Variants in MSH4 observed in about 807,000 individuals in gnomAD.
The protein encoded by MSH4 is mutS protein homolog 4.
In MSH4, 106 loss-of-function variants were observed where a neutral mutation model predicts 113.7. The observed-to-expected ratio is 0.93, with a 90% CI of 0.80 to 1.10. MSH4 has a LOEUF of 1.10. Among genes scored for constraint, MSH4 ranks in the 50% least tolerant of loss-of-function variants. MSH4 has a pLI of 0.00. For synonymous variants in MSH4, 368 were observed against 380.2 expected, an observed-to-expected ratio of 0.97 and a Z score of 0.37; for missense variants, 1,061 against 1,093.7, an observed-to-expected ratio of 0.97 and a Z score of 0.42.
intron 4 of MSH4, among the ~76,000 whole-genome samples, chr1:75,814,291 CAAAAAAAAAA>C (rs138983828): frequency 9.9e-6 from 1 of 101,312 alleles, no homozygotes; most frequent in Admixed American, 1.1e-4. Context: ...TATCTCTGCT[CAAAAAAAAAA>C]AAAAAAAAAA....
At chr1:75,887,827 C>T (rs951720574) in intron 15 of MSH4, among the ~76,000 whole-genome samples, 4 of 151,774 alleles carry the variant, frequency 2.6e-5, no homozygotes, top group African/African-American at 9.7e-5. Context: ...TGTTTTTAGC[C>T]AGAAAGTTCT....
chr1:75,876,897 A>G (rs772971411), intron 9 of MSH4, 39 bp from the exon 10 acceptor site: 23 of 1,177,506 alleles, frequency 2.0e-5, no homozygotes, highest in Non-Finnish European at 2.7e-5. Flanking sequence ...TGATCTTGTA[A>G]TTGATTATCC....
intron 8 of MSH4, among the ~76,000 whole-genome samples, chr1:75,852,193 A>T (rs1651203802): frequency 6.6e-6 from 1 of 152,202 alleles, no homozygotes; most frequent in Admixed American, 6.5e-5. Context: ...TTCAAGTTTC[A>T]TGTTGTAGCA....
At chr1:75,870,849 C>T (rs1206153409) in intron 9 of MSH4, among the ~76,000 whole-genome samples, 1 of 152,102 alleles carries the variant, frequency 6.6e-6, no homozygotes, top group Non-Finnish European at 1.5e-5. Flanking sequence ...TTTCACCTTT[C>T]TTGTAATGAA....
chr1:75,809,093 G>A (rs1477972402), intron 3 of MSH4, among the ~76,000 whole-genome samples: 2 of 152,136 alleles, frequency 1.3e-5, no homozygotes, highest in East Asian at 1.9e-4. Context: ...TATAGATGGG[G>A]TCTTGCTCTG....
At chr1:75,881,467 C>A in intron 14 of MSH4, 97 bp downstream of exon 14, 1 of 1,293,594 alleles carries the variant, frequency 7.7e-7, no homozygotes, top group Non-Finnish European at 1.1e-6. Flanking sequence ...AAATTTTTAA[C>A]TTGAAATAGA....
chr1:75,805,179 A>G (rs986877885), intron 2 of MSH4, among the ~76,000 whole-genome samples: 3 of 148,992 alleles, frequency 2.0e-5, no homozygotes, highest in East Asian at 1.9e-4. Flanking sequence ...TGGAAATTCA[A>G]TAGACATATA....
chr1:75,910,519 C>T (rs1458933076), intron 19 of MSH4, among the ~76,000 whole-genome samples: 2 of 151,884 alleles, frequency 1.3e-5, no homozygotes, highest in East Asian at 1.9e-4. Flanking sequence ...GCATTCCACC[C>T]GCCTCTTCCT....
chr1:75,858,156 A>G (rs1266916730), intron 8 of MSH4, among the ~76,000 whole-genome samples: 1 of 152,204 alleles, frequency 6.6e-6, no homozygotes, highest in Non-Finnish European at 1.5e-5. Flanking sequence ...CAGCTTAAGA[A>G]GATTTTGAGC....
intron 19 of MSH4, 121 bp downstream of exon 19, chr1:75,899,827 T>A (rs1419044221): frequency 3.3e-6 from 1 of 303,072 alleles, no homozygotes; most frequent in Non-Finnish European, 5.8e-6. Flanking sequence ...TATTTAAAAT[T>A]AAAACCTAAT....
chr1:75,860,282 T>C (rs1232936087), intron 8 of MSH4, among the ~76,000 whole-genome samples: 1 of 152,186 alleles, frequency 6.6e-6, no homozygotes, highest in Non-Finnish European at 1.5e-5. Context: ...AATATTGTTA[T>C]ATCTGAATTT....
At chr1:75,829,336 C>T (rs1458281017) in intron 7 of MSH4, among the ~76,000 whole-genome samples, 1 of 152,200 alleles carries the variant, frequency 6.6e-6, no homozygotes, top group African/African-American at 2.4e-5. Flanking sequence ...CCTGCCTTGC[C>T]TCTGTAGACT....
intron 7 of MSH4, among the ~76,000 whole-genome samples, chr1:75,825,600 T>G (rs1650529359): frequency 6.6e-6 from 1 of 152,168 alleles, no homozygotes; most frequent in African/African-American, 2.4e-5. Context: ...GGCTGTGGGT[T>G]TGTCATAAAT....
intron 8 of MSH4, among the ~76,000 whole-genome samples, chr1:75,866,537 CAGTT>C (rs546111598): frequency 9.2e-5 from 14 of 152,136 alleles, no homozygotes; most frequent in African/African-American, 3.1e-4. Flanking sequence ...TTTAATCTTC[CAGTT>C]AGTTTCAGAG....
rs576283933 is a variant in MSH4, at chr1:75,876,390, T to A, written c.1306-546T>A. On this transcript the variant is annotated intron_variant, in intron 9 of 19. Transcript: ENST00000263187. ...CATAAGCAAAAAAAGTTATCACCAT[T>A]GCTTCATATCAAATTTAAAAAAGGA... 5.9e-5 allele frequency among the ~76,000 whole-genome samples: 9 copies of A among 152,224 alleles called. No individual in the cohort carries two copies. In the South Asian group the frequency reaches 8.3e-4, roughly 14 times the overall value.
In MSH4 at chr1:75,889,379, C is replaced by T; in HGVS notation, c.2226+10C>T. ...GAAAGAAATGAAAGAGGTACCCAAA[C>T]AAAACTTTTCTTATGTTAAAAACAT... On this transcript the variant is annotated intron_variant, in intron 16 of 19. Transcript: ENST00000263187. 2 of 1,214,126 alleles carry T rather than the reference C, an allele frequency of 1.6e-6. No homozygotes were observed. The highest frequency in any genetic ancestry group is 2.3e-6 in the Non-Finnish European group (2 of 852,120). The allele number at this position is 1,214,126 out of a possible 1,614,324, so 75.2% of individuals were successfully genotyped here.
chr1:75,841,384 G>T (rs940706102), intron 7 of MSH4, among the ~76,000 whole-genome samples: 2 of 151,976 alleles, frequency 1.3e-5, no homozygotes. Flanking sequence ...TTTTTGTAGA[G>T]CCAGGGTCTT....
intron 4 of MSH4, among the ~76,000 whole-genome samples, chr1:75,811,968 T>G (rs919602574): frequency 3.3e-5 from 5 of 152,234 alleles, no homozygotes; most frequent in African/African-American, 7.2e-5. Context: ...CTATTGTCTC[T>G]ATTAGACGAA....
chr1:75,910,282 A>G (rs1293496887), intron 19 of MSH4, among the ~76,000 whole-genome samples: 1 of 151,796 alleles, frequency 6.6e-6, no homozygotes, highest in Non-Finnish European at 1.5e-5. Context: ...ATCTTCCATG[A>G]TCTCTCTATG....
Sources: allele counts gnomAD v4.1 joint callset (sites outside exome capture counted in the v4.1 genomes callset), GRCh38; gene constraint gnomAD v4.1.1; transcripts MANE v1.5; gene names NCBI Gene and HGNC (gene_info 2026-07-23, HGNC 2026-07-21).